The following PUDP variants were observed in gnomAD, a reference collection of about 807,000 sequenced individuals.
The protein encoded by PUDP is pseudouridine 5'-phosphatase, also known as pseudouridine-5'-phosphatase.
Under a neutral mutation model 9.4 loss-of-function variants are expected in PUDP, and 8 were observed. The ratio of observed to expected loss-of-function variants is 0.85; its 90% CI spans 0.50 to 1.53. The LOEUF is 1.53. PUDP is among the 40% of genes most tolerant of loss of function. PUDP has a pLI of 0.00. For synonymous variants in PUDP, 99 were observed against 80.7 expected (o/e 1.23, Z -1.22); for missense variants, 188 against 189.7 (o/e 0.99, Z 0.05).
intron 3 of PUDP, among the ~76,000 whole-genome samples, chrX:6,974,233 T>C (rs1457161244): frequency 8.9e-6 from 1 of 112,266 alleles, no homozygotes; most frequent in Non-Finnish European, 1.9e-5. Flanking sequence ...TGTGTGAATT[T>C]GATCCTGTCA....
chrX:7,069,436 A>T (rs1335166872), intron 3 of PUDP, among the ~76,000 whole-genome samples: 2 of 110,692 alleles, frequency 1.8e-5, no homozygotes, highest in East Asian at 5.7e-4. Context: ...CCTGAGAACC[A>T]GGGGCCGGGC....
At chrX:7,012,825 C>T (rs936696981) in intron 1 of PUDP, among the ~76,000 whole-genome samples, 6 of 110,950 alleles carry the variant, frequency 5.4e-5, no homozygotes, top group African/African-American at 1.6e-4. Flanking sequence ...TCATCAGAAA[C>T]GTAATGTCCT....
At chrX:6,985,366 G>A (rs1308205178) in intron 1 of PUDP, among the ~76,000 whole-genome samples, 8 of 111,503 alleles carry the variant, frequency 7.2e-5, no homozygotes, top group Non-Finnish European at 1.5e-4. Flanking sequence ...GTGGGTCCAA[G>A]TGCTGGGGTG....
chrX:6,729,382 G>A (rs1417323325), intron 3 of PUDP, among the ~76,000 whole-genome samples: 1 of 111,988 alleles, frequency 8.9e-6, no homozygotes, highest in Non-Finnish European at 1.9e-5. Context: ...TCTTACATAC[G>A]TTGACTGATG....
chrX:7,102,637 A>G (rs1240748345), intron 2 of PUDP, among the ~76,000 whole-genome samples: 7 of 110,769 alleles, frequency 6.3e-5, no homozygotes, highest in African/African-American at 2.3e-4. Flanking sequence ...GAAGAAACAA[A>G]ATTATCTTTG....
downstream of PUDP, among the ~76,000 whole-genome samples, chrX:7,044,863 C>T (rs1324391745): frequency 1.8e-5 from 2 of 112,850 alleles, no homozygotes; most frequent in Non-Finnish European, 3.7e-5. Context: ...CTGTGCCTTT[C>T]TTTGCTAGGT....
intron 3 of PUDP, among the ~76,000 whole-genome samples, chrX:6,822,495 C>T (rs1022256432): frequency 4.5e-5 from 5 of 111,840 alleles, no homozygotes; most frequent in African/African-American, 1.6e-4. Flanking sequence ...GGCGCGATTT[C>T]GGCTCACTGC....
intron 3 of PUDP, among the ~76,000 whole-genome samples, chrX:6,790,984 G>A (rs941944547): frequency 1.8e-5 from 2 of 112,004 alleles, no homozygotes; most frequent in Admixed American, 1.9e-4. Flanking sequence ...TTTGGGGGGA[G>A]ATTTACAGGT....
exon 2 of PUDP, chrX:6,706,398 T>A (rs752229415): frequency 1.8e-5 from 2 of 111,746 alleles, no homozygotes; most frequent in African/African-American, 6.5e-5. Context: ...AGGCCAGGAG[T>A]TCAAGACTGC....
Position 7,116,555 on chromosome X carries a change from C to T in PUDP, c.62-10717G>A, listed in dbSNP as rs761091086. On this transcript the variant is annotated intron_variant, in intron 1 of 3. Coordinates refer to ENST00000381077, the MANE Select transcript of PUDP (RefSeq NM_012080.5). The stretch of plus-strand genomic sequence containing the variant: ...CCCTGCCCTGCTCAGCCTCATTCAC[C>T]ATTCTATATTCCACAGGCACTCCTG... Among the ~76,000 whole-genome samples, 5 of 110,871 alleles carry T rather than the reference C, an allele frequency of 4.5e-5. No individual in the cohort carries two copies. In the South Asian group the frequency reaches 1.9e-3, roughly 43 times the overall value.
chrX:6,938,486 G>C (rs1429227756), intron 3 of PUDP, among the ~76,000 whole-genome samples: 1 of 73,448 alleles, frequency 1.4e-5, no homozygotes, highest in Non-Finnish European at 2.5e-5. Flanking sequence ...ACTGTTGTGG[G>C]GTCGGGGGAG....
At chrX:7,033,022 A>T (rs1395647308) in intron 1 of PUDP, among the ~76,000 whole-genome samples, 1 of 111,571 alleles carries the variant, frequency 9.0e-6, no homozygotes, top group Non-Finnish European at 1.9e-5. Context: ...TTGGGTGTGC[A>T]CCATCTAATC....
intron 3 of PUDP, among the ~76,000 whole-genome samples, chrX:6,786,430 A>C (rs980125592): frequency 8.9e-6 from 1 of 112,229 alleles, no homozygotes; most frequent in East Asian, 2.8e-4. Context: ...TCTCAAAAAA[A>C]TAAAAATAAA....
intron 3 of PUDP, among the ~76,000 whole-genome samples, chrX:6,760,469 G>A (rs1450155193): frequency 8.9e-6 from 1 of 112,018 alleles, no homozygotes; most frequent in Non-Finnish European, 1.9e-5. Flanking sequence ...TCCTCAGGGT[G>A]GGGTTCATGG....
intron 3 of PUDP, among the ~76,000 whole-genome samples, chrX:6,953,149 C>T (rs774766399): frequency 9.0e-6 from 1 of 111,445 alleles, no homozygotes; most frequent in Admixed American, 9.6e-5. Context: ...GTTAGTTACT[C>T]CTTGTTTAGT....
intron 3 of PUDP, among the ~76,000 whole-genome samples, chrX:6,975,604 C>T (rs1928941627): frequency 1.8e-5 from 2 of 111,244 alleles, no homozygotes; most frequent in Non-Finnish European, 3.8e-5. Flanking sequence ...CAGAGGGGCA[C>T]CCGCCAGATG....
chrX:6,706,962 C>T (rs376705135), intron 1 of PUDP, among the ~76,000 whole-genome samples: 3 of 111,398 alleles, frequency 2.7e-5, no homozygotes, highest in African/African-American at 6.5e-5. Flanking sequence ...GGTATAAAAG[C>T]GTTCAAGTCT....
At chrX:6,974,392 GT>G (rs1200895388) in intron 3 of PUDP, among the ~76,000 whole-genome samples, 1 of 112,023 alleles carries the variant, frequency 8.9e-6, no homozygotes, top group Non-Finnish European at 1.9e-5. Context: ...AAGAGCTCTT[GT>G]AAGGCAGGCC....
At chrX:6,768,747 G>A (rs1262883343) in intron 3 of PUDP, among the ~76,000 whole-genome samples, 1 of 111,768 alleles carries the variant, frequency 8.9e-6, no homozygotes, top group Non-Finnish European at 1.9e-5. Flanking sequence ...TCATTGTTTG[G>A]GGGCCCCAAT....
Sources: allele counts gnomAD v4.1 joint callset (sites outside exome capture counted in the v4.1 genomes callset), GRCh38; gene constraint gnomAD v4.1.1; transcripts MANE v1.5; gene names NCBI Gene and HGNC (gene_info 2026-07-23, HGNC 2026-07-21).